Variants in USP32 observed in about 807,000 individuals in gnomAD.
The protein encoded by USP32 is ubiquitin carboxyl-terminal hydrolase 32.
In USP32, 59 loss-of-function variants were observed where a neutral mutation model predicts 204.8. That is an observed-to-expected ratio of 0.29 (90% confidence interval 0.23 to 0.36). The LOEUF (loss-of-function observed/expected upper bound fraction) is 0.36, where lower values mean the gene tolerates loss of function less well. Ranked by LOEUF, USP32 falls within the 10% of genes least tolerant of loss-of-function variation. USP32 has a pLI of 1.00. For missense variants in USP32, 1,160 were observed against 1,946.4 expected, an observed-to-expected ratio of 0.60 and a Z score of 7.60; for synonymous variants, 517 against 678.4, an observed-to-expected ratio of 0.76 and a Z score of 3.70.
intron 5 of USP32, among the ~76,000 whole-genome samples, chr17:60,284,980 T>C (rs2087073576): frequency 6.6e-6 from 1 of 152,202 alleles, no homozygotes; most frequent in South Asian, 2.1e-4. Flanking sequence ...GTCGTTGTTA[T>C]ATTGAGAGCT....
intron 1 of USP32, among the ~76,000 whole-genome samples, chr17:60,369,916 A>AT (rs1218987793): frequency 6.6e-6 from 1 of 152,072 alleles, no homozygotes; most frequent in Non-Finnish European, 1.5e-5. Context: ...TAAAAAAAAG[A>AT]TTTTGTAGAG....
chr17:60,311,423 AAT>A (rs2087850837), intron 2 of USP32, among the ~76,000 whole-genome samples: 1 of 152,200 alleles, frequency 6.6e-6, no homozygotes, highest in Non-Finnish European at 1.5e-5. Context: ...CCCAGTAAAT[AAT>A]ATGATTAACT....
intron 27 of USP32, among the ~76,000 whole-genome samples, chr17:60,197,137 A>G (rs2084541149): frequency 6.6e-6 from 1 of 151,834 alleles, no homozygotes; most frequent in African/African-American, 2.4e-5. Context: ...CAAAAATCAC[A>G]CCACTGTACT....
intron 1 of USP32, among the ~76,000 whole-genome samples, chr17:60,383,678 T>C (rs1254668372): frequency 2.0e-5 from 3 of 152,210 alleles, no homozygotes; most frequent in Non-Finnish European, 4.4e-5. Flanking sequence ...AATTCATAAA[T>C]AGTCTTTCCA....
chr17:60,209,990 A>G (rs1250509906), intron 21 of USP32, among the ~76,000 whole-genome samples: 2 of 152,058 alleles, frequency 1.3e-5, no homozygotes, highest in Non-Finnish European at 2.9e-5. Flanking sequence ...CATAACATGT[A>G]TAAAATAATA....
chr17:60,264,782 G>A (rs983507633), intron 9 of USP32, among the ~76,000 whole-genome samples: 1 of 148,594 alleles, frequency 6.7e-6, no homozygotes, highest in Non-Finnish European at 1.5e-5. Context: ...ATCACTTGAA[G>A]CCGGGAGGCA....
intron 2 of USP32, among the ~76,000 whole-genome samples, chr17:60,315,349 G>A (rs953045189): frequency 1.3e-5 from 2 of 152,100 alleles, no homozygotes; most frequent in Non-Finnish European, 2.9e-5. Context: ...GCAGTGAGCC[G>A]AGATCACGCC....
intron 26 of USP32, among the ~76,000 whole-genome samples, chr17:60,200,909 G>A (rs2084659987): frequency 6.6e-6 from 1 of 152,120 alleles, no homozygotes; most frequent in Non-Finnish European, 1.5e-5. Flanking sequence ...ATCCAGGCTG[G>A]AGCGTAGTGG....
intron 1 of USP32, among the ~76,000 whole-genome samples, chr17:60,372,264 T>C (rs1036541228): frequency 1.3e-5 from 2 of 152,172 alleles, no homozygotes; most frequent in Non-Finnish European, 2.9e-5. Flanking sequence ...CAAATCCTGG[T>C]CAAGCTATTA....
At chr17:60,411,515 T>C (rs997708711) in intron 1 of USP32, among the ~76,000 whole-genome samples, 3 of 151,150 alleles carry the variant, frequency 2.0e-5, no homozygotes, top group African/African-American at 4.9e-5. Flanking sequence ...TCTGTCACTA[T>C]TTTTTAAATT....
At chr17:60,349,596 A>AAAAAAAAT (rs1555618242) in intron 1 of USP32, among the ~76,000 whole-genome samples, 2 of 65,202 alleles carry the variant, frequency 3.1e-5, no homozygotes, top group African/African-American at 7.3e-5. Context: ...AAAAAAAAAA[A>AAAAAAAAT]ATATATATAT....
At position 60,208,123 on chromosome 17, in the gene USP32, C is replaced by G. The variant is rs1180973011; in HGVS notation, c.2861G>C (p.Ser954Thr). 1.2e-6 allele frequency: 2 copies of G among 1,605,428 alleles called. No homozygotes were observed. The highest frequency in any genetic ancestry group is 4.5e-5 in the East Asian group (2 of 44,654). The change falls in exon 24 of 34, where the codon AGT becomes ACT. Residue 954 changes from serine (S) to threonine (T), a missense_variant. Ser to Thr is a moderately conservative substitution (Grantham distance 58). This residue lies in a region of USP32 where 132 missense variants were observed against 432.8 expected (regional missense o/e 0.30). Coordinates refer to ENST00000300896, the MANE Select transcript of USP32 (RefSeq NM_032582.4). The stretch of plus-strand genomic sequence containing the variant: ...TTCTGAATTAAGTCCACAGAGATCA[C>G]TCAGCTGTTTTTTTAAACCTGTGTA... Reference protein sequence around the residue: ...EKYTGLKKQLSDLCGLNSEQI... With the variant: ...EKYTGLKKQLTDLCGLNSEQI...
chr17:60,267,762 G>A (rs547141565), intron 7 of USP32, among the ~76,000 whole-genome samples: 48 of 151,072 alleles, frequency 3.2e-4, no homozygotes, highest in African/African-American at 1.1e-3. Context: ...CTTGTGATCC[G>A]CCTGCCTTGG....
At position 60,392,035 on chromosome 17, in the gene USP32, T is replaced by TCGGCGTCCC. The variant is rs2089847954; in HGVS notation, c.-105_-97dup. Reference sequence around the variant, plus strand: ...GCGTCCCTGGGTGACGGTGACGGTGTCGGCGTCCCCCGCCCCCACCTCCCC... The same window carrying TCGGCGTCCC: ...GCGTCCCTGGGTGACGGTGACGGTGTCGGCGTCCCCGGCGTCCCCCGCCCCCACCTCCCC... On this transcript the variant is annotated 5_prime_UTR_variant, in exon 1 of 34. Coordinates refer to ENST00000300896, the MANE Select transcript of USP32 (RefSeq NM_032582.4). 1 of 1,408,962 alleles carries TCGGCGTCCC rather than the reference T, an allele frequency of 7.1e-7. No individual in the cohort carries two copies. The highest frequency in any genetic ancestry group is 9.6e-7 in the Non-Finnish European group (1 of 1,045,858). 87.3% of individuals were successfully genotyped at this position (1,408,962 alleles called of 1,614,324 possible).
intron 1 of USP32, among the ~76,000 whole-genome samples, chr17:60,351,150 G>GA (rs954634316): frequency 8.6e-5 from 13 of 150,482 alleles, no homozygotes; most frequent in African/African-American, 2.2e-4. Flanking sequence ...GTGAGGCTGA[G>GA]AAAAAAAAAT....
intron 1 of USP32, among the ~76,000 whole-genome samples, chr17:60,349,612 TATATATATATATTA>T (rs1416036470): frequency 3.0e-5 from 2 of 67,242 alleles, no homozygotes; most frequent in African/African-American, 1.3e-4. Context: ...TATATATATA[TATATATATATATTA>T]TATATATATA....
In USP32 at chr17:60,195,105, T is replaced by G. The variant is rs190407591; in HGVS notation, c.3435-2175A>C. Among the ~76,000 whole-genome samples the G allele has an allele frequency of 1.3e-3, 201 of 152,350 alleles. 1 individual carries two copies. Among genetic ancestry groups the G allele is most frequent in the African/African-American group, 4.5e-3 (188 of 41,594 alleles). ...AGTACCACTAGAATCAGGTGAGAGCTACCATGCCTGGCTATCTTTTTTAAT... is the reference window on the plus strand; with the variant it reads ...AGTACCACTAGAATCAGGTGAGAGCGACCATGCCTGGCTATCTTTTTTAAT... On this transcript the variant is annotated intron_variant, in intron 27 of 33. Coordinates refer to ENST00000300896, the MANE Select transcript of USP32 (RefSeq NM_032582.4).
chr17:60,345,352 T>C, intron 2 of USP32, 129 bp downstream of exon 2: 1 of 1,322,154 alleles, frequency 7.6e-7, no homozygotes, highest in Non-Finnish European at 1.0e-6. Context: ...CAAAACATTG[T>C]TTACCCACTC....
Position 60,205,557 on chromosome 17 carries a change from C to G in USP32, c.3139G>C (p.Val1047Leu). ...AAGTTCTTCTCAGTTCCACATGGCA[C>G]AACAGTGTTTGGCATTCCATTGGGG... ...FIPNGMPNTVVPCGTEKNFTN... is the reference protein window; with the variant it reads ...FIPNGMPNTVLPCGTEKNFTN... Residue 1047 changes from valine (V) to leucine (L), a missense_variant, in exon 26 of 34, where the codon GTG becomes CTG. By Grantham distance (32) the Val-to-Leu change is conservative (BLOSUM62 1). This residue lies in a region of USP32 where 1 missense variants were observed against 17.3 expected (regional missense o/e 0.06). Transcript: ENST00000300896. 6.2e-7 allele frequency: 1 copy of G among 1,613,924 alleles called. No homozygotes were observed. The highest frequency in any genetic ancestry group is 8.5e-7 in the Non-Finnish European group (1 of 1,179,862).
Sources: allele counts gnomAD v4.1 joint callset (sites outside exome capture counted in the v4.1 genomes callset), GRCh38; gene constraint gnomAD v4.1.1; regional missense constraint gnomAD v4.1.1; transcripts MANE v1.5; gene names NCBI Gene and HGNC (gene_info 2026-07-23, HGNC 2026-07-21).